The following GRM8 variants were observed in gnomAD, a reference collection of about 807,000 sequenced individuals.
GRM8 encodes metabotropic glutamate receptor 8.
GRM8 carries 47 observed loss-of-function variants against 87.2 expected under a neutral mutation model. The ratio of observed to expected loss-of-function variants is 0.54; its 90% CI spans 0.43 to 0.69. The LOEUF (loss-of-function observed/expected upper bound fraction) is 0.69, where lower values mean the gene tolerates loss of function less well. Ranked by LOEUF, GRM8 falls within the 30% of genes least tolerant of loss-of-function variation. The pLI is 0.00. For synonymous variants in GRM8, 396 were observed against 404.5 expected, an observed-to-expected ratio of 0.98 and a Z score of 0.25; for missense variants, 1,019 against 1,139.2, an observed-to-expected ratio of 0.89 and a Z score of 1.52.
chr7:126,930,912 T>C (rs983883807), intron 3 of GRM8, among the ~76,000 whole-genome samples: 2 of 152,166 alleles, frequency 1.3e-5, no homozygotes, highest in African/African-American at 4.8e-5. Context: ...TCTGTCCCCA[T>C]CCATCTGGCA....
intron 6 of GRM8, among the ~76,000 whole-genome samples, chr7:126,852,564 A>C (rs1477152975): frequency 1.3e-5 from 2 of 152,246 alleles, no homozygotes; most frequent in Non-Finnish European, 2.9e-5. Context: ...AAATAGGTTT[A>C]TAGAACTGAA....
intron 9 of GRM8, among the ~76,000 whole-genome samples, chr7:126,467,363 G>T (rs1804619415): frequency 6.6e-6 from 1 of 152,002 alleles, no homozygotes; most frequent in Non-Finnish European, 1.5e-5. Context: ...ATTAGCAAAT[G>T]AGAGCATTTT....
intron 10 of GRM8, among the ~76,000 whole-genome samples, chr7:126,440,091 T>A (rs1801283691): frequency 6.6e-6 from 1 of 151,682 alleles, no homozygotes; most frequent in Admixed American, 6.6e-5. Context: ...TAAAATAAAT[T>A]TAGTGTAGTC....
intron 2 of GRM8, among the ~76,000 whole-genome samples, chr7:127,198,176 G>A (rs940014521): frequency 6.6e-6 from 1 of 152,064 alleles, no homozygotes; most frequent in Admixed American, 6.5e-5. Context: ...TGGTAATTGG[G>A]ATATCCATCA....
intron 3 of GRM8, among the ~76,000 whole-genome samples, chr7:126,983,671 G>A (rs1321050714): frequency 6.6e-6 from 1 of 152,180 alleles, no homozygotes; most frequent in African/African-American, 2.4e-5. Context: ...GGAAGGGTAT[G>A]CGTGGAATAC....
chr7:126,926,937 C>T (rs974844891), intron 3 of GRM8, among the ~76,000 whole-genome samples: 1 of 152,164 alleles, frequency 6.6e-6, no homozygotes, highest in Admixed American at 6.5e-5. Context: ...TCCCAACCAG[C>T]CTATTGGTTC....
chr7:126,589,782 G>A (rs527978091), intron 8 of GRM8, among the ~76,000 whole-genome samples: 12 of 152,204 alleles, frequency 7.9e-5, no homozygotes, highest in Admixed American at 6.5e-4. Flanking sequence ...CTAAGAGACA[G>A]AAAGATGGTT....
In GRM8 at chr7:126,599,652, A is replaced by T. The variant is rs142029983; in HGVS notation, c.1494+9710T>A. The stretch of plus-strand genomic sequence containing the variant: ...TTTGTACTGAAATGTTTTAAACCAG[A>T]TACACCAACACAGTTCTCTAGTTCC... On this transcript the variant is annotated intron_variant, in intron 8 of 10. Coordinates refer to ENST00000339582, the MANE Select transcript of GRM8 (RefSeq NM_000845.3). 7.9e-3 allele frequency among the ~76,000 whole-genome samples: 1,208 copies of T among 152,262 alleles called. 8 individuals carry two copies. The highest frequency in any genetic ancestry group is 0.014 in the Middle Eastern group (4 of 294).
intron 8 of GRM8, among the ~76,000 whole-genome samples, chr7:126,538,234 G>T (rs1816073494): frequency 6.6e-6 from 1 of 152,208 alleles, no homozygotes; most frequent in South Asian, 2.1e-4. Context: ...TTCCGGGTGA[G>T]TGTGCTTACA....
At chr7:127,174,128 C>T (rs1343293962) in intron 2 of GRM8, among the ~76,000 whole-genome samples, 1 of 152,166 alleles carries the variant, frequency 6.6e-6, no homozygotes, top group African/African-American at 2.4e-5. Flanking sequence ...TTTCTATCCA[C>T]AATTGACTAC....
At chr7:126,872,006 G>C (rs1045786733) in intron 6 of GRM8, among the ~76,000 whole-genome samples, 6 of 152,124 alleles carry the variant, frequency 3.9e-5, no homozygotes, top group Non-Finnish European at 8.8e-5. Flanking sequence ...TTTGCATGAA[G>C]AATGTGCAGA....
At chr7:127,244,733 C>T (rs567190770) in intron 1 of GRM8, among the ~76,000 whole-genome samples, 2 of 152,210 alleles carry the variant, frequency 1.3e-5, no homozygotes, top group Admixed American at 6.5e-5. Flanking sequence ...CTTCTTGCCC[C>T]GAAAGGAAAG....
intron 3 of GRM8, among the ~76,000 whole-genome samples, chr7:127,002,298 T>C (rs1281364337): frequency 1.3e-5 from 2 of 151,664 alleles, no homozygotes; most frequent in African/African-American, 4.8e-5. Context: ...CAACGCAATA[T>C]GGCTAAGCTT....
intron 3 of GRM8, among the ~76,000 whole-genome samples, chr7:126,987,986 A>T (rs1472382244): frequency 6.6e-6 from 1 of 152,190 alleles, no homozygotes; most frequent in Non-Finnish European, 1.5e-5. Context: ...CACTGCAGAA[A>T]ACTACATTAA....
intron 9 of GRM8, among the ~76,000 whole-genome samples, chr7:126,451,729 G>A (rs1195313811): frequency 6.6e-6 from 1 of 151,560 alleles, no homozygotes; most frequent in Non-Finnish European, 1.5e-5. Context: ...GGCTGATCTT[G>A]GAACATACCA....
chr7:127,127,919 C>T (rs1448196633), intron 2 of GRM8, among the ~76,000 whole-genome samples: 3 of 152,018 alleles, frequency 2.0e-5, no homozygotes, highest in Admixed American at 2.0e-4. Flanking sequence ...TATCCTTCAA[C>T]ACTCATGTTC....
chr7:127,082,605 A>C (rs1822986567), intron 3 of GRM8, among the ~76,000 whole-genome samples: 1 of 152,100 alleles, frequency 6.6e-6, no homozygotes, highest in African/African-American at 2.4e-5. Context: ...CTAATGGAAA[A>C]CTCTGATCCC....
chr7:126,662,792 C>A (rs1000378522), intron 7 of GRM8, among the ~76,000 whole-genome samples: 1 of 152,038 alleles, frequency 6.6e-6, no homozygotes. Flanking sequence ...AAGGAGCTTC[C>A]GTTCATCACA....
intron 9 of GRM8, among the ~76,000 whole-genome samples, chr7:126,472,003 T>C (rs1465938318): frequency 6.6e-6 from 1 of 152,164 alleles, no homozygotes; most frequent in African/African-American, 2.4e-5. Flanking sequence ...GTTATTGGTG[T>C]ATAAGAATGC....
Sources: gnomAD v4.1 joint callset for allele counts (sites outside exome capture counted in the v4.1 genomes callset) on GRCh38, gnomAD v4.1.1 for gene constraint, MANE v1.5 for transcripts, NCBI Gene and HGNC (gene_info 2026-07-23, HGNC 2026-07-21) for gene names.